BTF3L4: variants seen among roughly 807,000 people sequenced by gnomAD.
BTF3L4 encodes the protein transcription factor BTF3 homolog 4.
BTF3L4 carries 6 observed loss-of-function variants against 16.8 expected under a neutral mutation model. The observed-to-expected ratio is 0.36, with a 90% CI of 0.20 to 0.71. The LOEUF is 0.71. Among genes scored for constraint, BTF3L4 ranks in the 30% least tolerant of loss-of-function variants. The probability of loss-of-function intolerance (pLI) is 0.58; values close to 1 mark genes in which losing one functional copy is unlikely to be tolerated. For missense variants in BTF3L4, 92 were observed against 186.9 expected (o/e 0.49, Z 2.96); for synonymous variants, 39 against 59.8 (o/e 0.65, Z 1.60).
intron 1 of BTF3L4, among the ~76,000 whole-genome samples, chr1:52,057,480 C>G (rs1028583096): frequency 1.3e-5 from 2 of 152,188 alleles, no homozygotes; most frequent in African/African-American, 4.8e-5. Flanking sequence ...ATTTCCTAAT[C>G]TATTAAGATG....
chr1:52,058,704 C>T (rs577978194), intron 1 of BTF3L4, among the ~76,000 whole-genome samples: 10 of 152,090 alleles, frequency 6.6e-5, no homozygotes, highest in Admixed American at 1.3e-4. Context: ...CGGGTTCAGG[C>T]GATTCTCCTG....
chr1:52,083,060 A>G (rs1328174740), intron 3 of BTF3L4, among the ~76,000 whole-genome samples: 1 of 152,296 alleles, frequency 6.6e-6, no homozygotes, highest in East Asian at 1.9e-4. Context: ...TTAAAAAAAC[A>G]TGGTCATGTA....
chr1:52,073,541 G>T (rs1558007762), intron 3 of BTF3L4, among the ~76,000 whole-genome samples: 1 of 146,196 alleles, frequency 6.8e-6, no homozygotes, highest in Non-Finnish European at 1.5e-5. Context: ...TATGATTACA[G>T]CTAGATGTAC....
At position 52,058,624 on chromosome 1, in the gene BTF3L4, G is replaced by A. The variant is rs889947055; in HGVS notation, c.-13-1211G>A. Among the ~76,000 whole-genome samples, 11 of 149,810 alleles carry A rather than the reference G, an allele frequency of 7.3e-5. No homozygotes were observed. In the East Asian group the frequency reaches 9.8e-4, roughly 13 times the overall value. ...TTTGGCTTTTTTTTTTTTTTGAGAC[G>A]GAGTTTCGCTCTTGTTGCTCAGGCT... On this transcript the variant is annotated intron_variant, in intron 1 of 5. Coordinates refer to ENST00000313334, the MANE Select transcript of BTF3L4 (RefSeq NM_152265.5).
rs1361435979 is a variant in BTF3L4, at chr1:52,073,495, C to T, written c.168+8557C>T. Among the ~76,000 whole-genome samples, 4 of 68,036 alleles carry T rather than the reference C, an allele frequency of 5.9e-5. No homozygotes were observed. In the East Asian group the frequency reaches 1.9e-3, roughly 32 times the overall value. The allele number at this position is 68,036 out of a possible 152,430, so 44.6% of individuals were successfully genotyped here. Reference sequence around the variant, plus strand: ...ATATGCACTATATATATGCTACATACACACACACACACACACACACACACA... The same window carrying T: ...ATATGCACTATATATATGCTACATATACACACACACACACACACACACACA... On this transcript the variant is annotated intron_variant, in intron 3 of 5. Coordinates refer to ENST00000313334, the MANE Select transcript of BTF3L4 (RefSeq NM_152265.5).
At chr1:52,065,867 G>C (rs1686635609) in intron 3 of BTF3L4, among the ~76,000 whole-genome samples, 1 of 151,958 alleles carries the variant, frequency 6.6e-6, no homozygotes, top group Non-Finnish European at 1.5e-5. Flanking sequence ...GTGAAACCCT[G>C]TCTCTACTAA....
In BTF3L4 at chr1:52,088,075, A is replaced by G. The variant is rs187167828; in HGVS notation, c.*1317A>G. Reference sequence around the variant, plus strand: ...CCCTCTTGCTGTCTAATAGAAGCTTACTTTTTGCTATATCAGCATTTGTTA... The same window carrying G: ...CCCTCTTGCTGTCTAATAGAAGCTTGCTTTTTGCTATATCAGCATTTGTTA... On this transcript the variant is annotated 3_prime_UTR_variant, in exon 6 of 6. Coordinates refer to ENST00000313334, the MANE Select transcript of BTF3L4 (RefSeq NM_152265.5). 6.5e-5 allele frequency: 10 copies of G among 152,766 alleles called. No individual in the cohort carries two copies. Among genetic ancestry groups the G allele is most frequent in the African/African-American group, 2.2e-4 (9 of 41,576 alleles). 9.5% of individuals were successfully genotyped at this position (152,766 alleles called of 1,614,324 possible).
chr1:52,063,875 C>T lies in BTF3L4; in HGVS notation c.55-950C>T, dbSNP rs563073667. On this transcript the variant is annotated intron_variant, in intron 2 of 5. Transcript: ENST00000313334. ...ATCTTCACTGCCATATCCCTCATCT[C>T]TGGCCAGGACGGCTACAGGAGCCTC... Among the ~76,000 whole-genome samples the T allele has an allele frequency of 3.4e-4, 52 of 152,310 alleles. 1 individual carries two copies. The East Asian group carries it at 0.01, about 29-fold the overall frequency.
At chr1:52,066,815 C>T (rs1686663528) in intron 3 of BTF3L4, among the ~76,000 whole-genome samples, 1 of 151,354 alleles carries the variant, frequency 6.6e-6, no homozygotes, top group South Asian at 2.1e-4. Flanking sequence ...CACTGTACTC[C>T]AGTCTGGGCA....
At chr1:52,075,331 G>A (rs1030741619) in intron 3 of BTF3L4, among the ~76,000 whole-genome samples, 2 of 150,640 alleles carry the variant, frequency 1.3e-5, no homozygotes, top group African/African-American at 4.9e-5. Context: ...ACGAGGTCTG[G>A]CCAACATGGT....
At chr1:52,057,540 A>C (rs1478206795) in intron 1 of BTF3L4, among the ~76,000 whole-genome samples, 2 of 152,230 alleles carry the variant, frequency 1.3e-5, no homozygotes, top group South Asian at 4.1e-4. Context: ...TGGTGCTAGC[A>C]GATGTTGAGA....
intron 2 of BTF3L4, among the ~76,000 whole-genome samples, chr1:52,062,495 C>A (rs971673166): frequency 6.6e-6 from 1 of 152,090 alleles, no homozygotes; most frequent in Non-Finnish European, 1.5e-5. Flanking sequence ...CCACCGCGCT[C>A]GGCCGGTACA....
Position 52,080,526 on chromosome 1 carries a change from T to C in BTF3L4, c.169-2814T>C, listed in dbSNP as rs1355923291. ...AAATCTTTGGTTTTTTGGGTTTTTTTTTTTTTTTTTTTTTTTTTTTTTTTT... is the reference window on the plus strand; with the variant it reads ...AAATCTTTGGTTTTTTGGGTTTTTTCTTTTTTTTTTTTTTTTTTTTTTTTT... On this transcript the variant is annotated intron_variant, in intron 3 of 5. Transcript: ENST00000313334. Among the ~76,000 whole-genome samples, 7 of 108,642 alleles carry C rather than the reference T, an allele frequency of 6.4e-5. No homozygotes were observed. In the East Asian group the frequency reaches 9.8e-4, roughly 15 times the overall value. 71.3% of individuals were successfully genotyped at this position (108,642 alleles called of 152,430 possible).
chr1:52,075,377 G>A (rs1238664020), intron 3 of BTF3L4, among the ~76,000 whole-genome samples: 9 of 150,552 alleles, frequency 6.0e-5, no homozygotes, highest in African/African-American at 1.5e-4. Flanking sequence ...AAAATTAGCC[G>A]GGCGTGGTGG....
At chr1:52,085,270 C>G (rs1483839128) in intron 4 of BTF3L4, among the ~76,000 whole-genome samples, 3 of 151,754 alleles carry the variant, frequency 2.0e-5, no homozygotes, top group Non-Finnish European at 2.9e-5. Flanking sequence ...CCACCTGCCT[C>G]AGCCTCCCAA....
intron 4 of BTF3L4, among the ~76,000 whole-genome samples, chr1:52,085,047 G>GGT (rs1643958858): frequency 1.9e-5 from 2 of 104,504 alleles, no homozygotes; most frequent in Non-Finnish European, 3.5e-5. Flanking sequence ...TTGAGACAGA[G>GGT]TCTTGCTCTG....
chr1:52,074,189 G>GT (rs1385759728), intron 3 of BTF3L4, among the ~76,000 whole-genome samples: 5 of 151,236 alleles, frequency 3.3e-5, no homozygotes, highest in African/African-American at 1.2e-4. Flanking sequence ...TGTTTGGTTT[G>GT]GTTTTTTTTG....
intron 3 of BTF3L4, among the ~76,000 whole-genome samples, chr1:52,066,103 A>G (rs778713310): frequency 6.6e-6 from 1 of 152,208 alleles, no homozygotes; most frequent in African/African-American, 2.4e-5. Flanking sequence ...ATATGAGACC[A>G]AAGATTAATG....
In BTF3L4 at chr1:52,083,635, G is replaced by A. The variant is rs774069549; in HGVS notation, c.370+94G>A. 1.1e-3 allele frequency: 1,082 copies of A among 981,406 alleles called. 1 individual carries two copies. Among genetic ancestry groups the A allele is most frequent in the Non-Finnish European group, 1.4e-3 (927 of 646,244 alleles). The allele number at this position is 981,406 out of a possible 1,614,324, so 60.8% of individuals were successfully genotyped here. ...GTCCCATCTTAATTTGGATTTGCCT[G>A]TATGTAATTATTTTACTTTCTATAA... On this transcript the variant is annotated intron_variant, in intron 4 of 5. Transcript: ENST00000313334.
Sources: gnomAD v4.1 joint callset for allele counts (sites outside exome capture counted in the v4.1 genomes callset) on GRCh38, gnomAD v4.1.1 for gene constraint, MANE v1.5 for transcripts, NCBI Gene and HGNC (gene_info 2026-07-23, HGNC 2026-07-21) for gene names.